Variants in LGSN observed in about 807,000 individuals in gnomAD.
LGSN encodes the protein lengsin, lens protein with glutamine synthetase domain, also known as lengsin.
In LGSN, 21 loss-of-function variants were observed where a neutral mutation model predicts 19.5. The observed-to-expected ratio is 1.07, with a 90% CI of 0.76 to 1.55. LGSN has a LOEUF of 1.55. Among genes scored for constraint, LGSN ranks in the 40% most tolerant of loss-of-function variants. LGSN has a pLI of 0.00. For synonymous variants in LGSN, 257 were observed against 215.6 expected (o/e 1.19, Z -1.68); for missense variants, 673 against 608.5 (o/e 1.11, Z -1.12).
the LGSN span, among the ~76,000 whole-genome samples, chr6:63,421,297 C>G: frequency 6.6e-6 from 1 of 152,116 alleles, no homozygotes; most frequent in Non-Finnish European, 1.5e-5. Flanking sequence ...TGGCACACAC[C>G]TGTAATCCCA....
chr6:63,490,870 A>G, the LGSN span, among the ~76,000 whole-genome samples: 1 of 152,222 alleles, frequency 6.6e-6, no homozygotes, highest in African/African-American at 2.4e-5. Flanking sequence ...CCAATGGTAT[A>G]AGTCCCAGTT....
chr6:63,305,232 C>A (rs1310464536), intron 1 of LGSN, among the ~76,000 whole-genome samples: 1 of 152,004 alleles, frequency 6.6e-6, no homozygotes, highest in African/African-American at 2.4e-5. Flanking sequence ...CTAAAGTAAA[C>A]AATCAGGTTA....
At chr6:63,455,082 C>CA in the LGSN span, among the ~76,000 whole-genome samples, 1 of 152,148 alleles carries the variant, frequency 6.6e-6, no homozygotes, top group Non-Finnish European at 1.5e-5. Context: ...CGTGAGCCAC[C>CA]ACGCCTGGCC....
the LGSN span, among the ~76,000 whole-genome samples, chr6:63,390,741 C>G: frequency 5.9e-5 from 9 of 151,490 alleles, no homozygotes; most frequent in South Asian, 1.3e-3. Context: ...TGCCTGTAGT[C>G]CCAGCTACTC....
intron 1 of LGSN, among the ~76,000 whole-genome samples, chr6:63,314,129 C>G (rs905417960): frequency 4.6e-5 from 7 of 152,030 alleles, no homozygotes; most frequent in Admixed American, 6.6e-5. Flanking sequence ...GTGTCCCCCA[C>G]AAACCATACA....
At chr6:63,565,922 G>A in the LGSN span, among the ~76,000 whole-genome samples, 1 of 152,218 alleles carries the variant, frequency 6.6e-6, no homozygotes, top group Non-Finnish European at 1.5e-5. Context: ...CAAATTATAT[G>A]TTCATAGAGA....
the LGSN span, among the ~76,000 whole-genome samples, chr6:63,484,741 T>C: frequency 2.0e-5 from 3 of 152,228 alleles, no homozygotes; most frequent in African/African-American, 7.2e-5. Flanking sequence ...CAAGAGAATA[T>C]ACCCAAAGCA....
the LGSN span, among the ~76,000 whole-genome samples, chr6:63,457,028 C>T: frequency 6.6e-6 from 1 of 152,134 alleles, no homozygotes; most frequent in Non-Finnish European, 1.5e-5. Flanking sequence ...AATGCTTGAC[C>T]TCATTAAGGA....
At chr6:63,543,518 A>G in the LGSN span, among the ~76,000 whole-genome samples, 2 of 152,232 alleles carry the variant, frequency 1.3e-5, no homozygotes, top group African/African-American at 4.8e-5. Flanking sequence ...AGTATCTGAC[A>G]GGAAGAATAA....
the LGSN span, among the ~76,000 whole-genome samples, chr6:63,544,224 G>A: frequency 3.7e-3 from 564 of 152,212 alleles, 3 homozygotes; most frequent in Non-Finnish European, 6.7e-3. Flanking sequence ...GAGATATGAA[G>A]AAAAGATGCA....
chr6:63,528,138 G>A, the LGSN span: 1 of 152,140 alleles, frequency 6.6e-6, no homozygotes, highest in Non-Finnish European at 1.5e-5. Flanking sequence ...CCATAGAGTG[G>A]TTGCTGGGTA....
chr6:63,426,952 C>T, the LGSN span, among the ~76,000 whole-genome samples: 1 of 152,018 alleles, frequency 6.6e-6, no homozygotes. Flanking sequence ...ATCTTGGACA[C>T]AACTAATGTC....
At chr6:63,523,430 A>T in the LGSN span, among the ~76,000 whole-genome samples, 1 of 152,030 alleles carries the variant, frequency 6.6e-6, no homozygotes, top group African/African-American at 2.4e-5. Flanking sequence ...GCTACTCGGG[A>T]GGTTTGAACC....
At chr6:63,349,751 A>T in the LGSN span, among the ~76,000 whole-genome samples, 1 of 152,228 alleles carries the variant, frequency 6.6e-6, no homozygotes, top group Non-Finnish European at 1.5e-5. Flanking sequence ...GGCTTAAAAT[A>T]ACACAAATTT....
At chr6:63,545,819 T>A in the LGSN span, among the ~76,000 whole-genome samples, 1 of 152,034 alleles carries the variant, frequency 6.6e-6, no homozygotes, top group Non-Finnish European at 1.5e-5. Context: ...TCCATATTTG[T>A]GTCTACTTGT....
chr6:63,570,147 T>C, the LGSN span, among the ~76,000 whole-genome samples: 1 of 152,148 alleles, frequency 6.6e-6, no homozygotes, highest in Non-Finnish European at 1.5e-5. Flanking sequence ...AAAACTAGCC[T>C]AGTCAACATG....
intron 1 of LGSN, among the ~76,000 whole-genome samples, chr6:63,313,457 C>A (rs1045428682): frequency 1.3e-5 from 2 of 152,062 alleles, no homozygotes; most frequent in Non-Finnish European, 2.9e-5. Context: ...GTAAAGAAGA[C>A]AGAAAATATG....
chr6:63,559,820 T>C, the LGSN span, among the ~76,000 whole-genome samples: 3 of 152,188 alleles, frequency 2.0e-5, no homozygotes, highest in Non-Finnish European at 4.4e-5. Flanking sequence ...TTTGGGAGTC[T>C]GAGGCAGGTT....
upstream of LGSN, among the ~76,000 whole-genome samples, chr6:63,324,316 T>C (rs1294192837): frequency 6.6e-6 from 1 of 152,210 alleles, no homozygotes; most frequent in African/African-American, 2.4e-5. Flanking sequence ...AACACTGTTT[T>C]TTAAAGACAT....
Sources: allele counts gnomAD v4.1 joint callset (sites outside exome capture counted in the v4.1 genomes callset), GRCh38; gene constraint gnomAD v4.1.1; transcripts MANE v1.5; gene names NCBI Gene and HGNC (gene_info 2026-07-23, HGNC 2026-07-21).